Variants in ARHGAP25 observed in about 807,000 individuals in gnomAD.
The protein encoded by ARHGAP25 is rho GTPase-activating protein 25.
In ARHGAP25, 34 loss-of-function variants were observed where a neutral mutation model predicts 71.0. The ratio of observed to expected loss-of-function variants is 0.48; its 90% CI spans 0.36 to 0.64. The LOEUF (loss-of-function observed/expected upper bound fraction) is 0.64. Among genes scored for constraint, ARHGAP25 ranks in the 30% least tolerant of loss-of-function variants. The probability of loss-of-function intolerance (pLI) is 0.00; values close to 1 mark genes in which losing one functional copy is unlikely to be tolerated. For synonymous variants in ARHGAP25, 282 were observed against 296.5 expected, an observed-to-expected ratio of 0.95 and a Z score of 0.50; for missense variants, 706 against 805.1, an observed-to-expected ratio of 0.88 and a Z score of 1.49.
At chr2:68,820,849 G>A (rs114010960) in intron 9 of ARHGAP25, among the ~76,000 whole-genome samples, 1 of 150,190 alleles carries the variant, frequency 6.7e-6, no homozygotes, top group Non-Finnish European at 1.5e-5. Flanking sequence ...ACAAAATGTA[G>A]TATAATTCTC....
chr2:68,742,402 A>C (rs986619820), intron 1 of ARHGAP25, among the ~76,000 whole-genome samples: 1 of 152,250 alleles, frequency 6.6e-6, no homozygotes, highest in African/African-American at 2.4e-5. Flanking sequence ...ACAGTGGTTA[A>C]AAAGCTGGCT....
chr2:68,799,955 C>T (rs1158323096), intron 4 of ARHGAP25, among the ~76,000 whole-genome samples: 4 of 152,304 alleles, frequency 2.6e-5, no homozygotes, highest in East Asian at 1.9e-4. Flanking sequence ...CCCAGGATGC[C>T]GCGGTGGGAA....
At chr2:68,715,524 G>A (rs1674587739) in intron 2 of ARHGAP25, among the ~76,000 whole-genome samples, 1 of 152,112 alleles carries the variant, frequency 6.6e-6, no homozygotes, top group Non-Finnish European at 1.5e-5. Flanking sequence ...TCCGGGAGGC[G>A]GTCGTGCTCT....
In ARHGAP25 at chr2:68,807,273, C is replaced by A; in HGVS notation, c.467C>A (p.Ala156Glu). 6.2e-7 allele frequency: 1 copy of A among 1,614,168 alleles called. No individual in the cohort carries two copies. Among genetic ancestry groups the A allele is most frequent in the South Asian group, 1.1e-5 (1 of 91,080 alleles). Residue 156 changes from alanine (A) to glutamate (E), a missense_variant and splice_region_variant, in exon 5 of 11, where the codon GCA becomes GAA. Physicochemically the swap from Ala to Glu is moderately radical, Grantham distance 107. Transcript: ENST00000409202. ...CAGGTTCTGTTTGCTCTCTCCTCAG[C>A]AGTGTTTGGCCAGCGCTTGGATGAG... is the stretch of plus-strand genomic sequence containing the variant. ...LRRVAGTPCG[A>E]VFGQRLDETV...
intron 4 of ARHGAP25, 122 bp from the exon 5 acceptor site, chr2:68,807,151 C>G (rs1680432991): frequency 1.2e-6 from 1 of 856,688 alleles, no homozygotes; most frequent in Non-Finnish European, 1.9e-6. Context: ...ATTTATCTCC[C>G]ATATTTTGTC....
At chr2:68,729,550 A>T (rs939942435) in intron 2 of ARHGAP25, among the ~76,000 whole-genome samples, 1 of 152,240 alleles carries the variant, frequency 6.6e-6, no homozygotes, top group Non-Finnish European at 1.5e-5. Context: ...TAAACACATT[A>T]AAAAATAACT....
intron 2 of ARHGAP25, among the ~76,000 whole-genome samples, chr2:68,776,952 C>T (rs758739833): frequency 6.6e-6 from 1 of 152,130 alleles, no homozygotes; most frequent in Non-Finnish European, 1.5e-5. Context: ...ATCAGCAGGA[C>T]TTGGTTAACC....
chr2:68,750,826 AG>A (rs1364791370), intron 1 of ARHGAP25, among the ~76,000 whole-genome samples: 1 of 152,234 alleles, frequency 6.6e-6, no homozygotes, highest in Non-Finnish European at 1.5e-5. Context: ...CTGCTCACAC[AG>A]GGAATTAGTG....
chr2:68,787,166 C>T (rs1678818493), intron 3 of ARHGAP25, among the ~76,000 whole-genome samples: 1 of 152,216 alleles, frequency 6.6e-6, no homozygotes, highest in African/African-American at 2.4e-5. Flanking sequence ...CCTTCAATTT[C>T]TCCCACCTTT....
intron 1 of ARHGAP25, among the ~76,000 whole-genome samples, chr2:68,760,639 A>G (rs1231611935): frequency 6.6e-6 from 1 of 152,028 alleles, no homozygotes; most frequent in East Asian, 1.9e-4. Context: ...AGAAGGTGAA[A>G]TACTTGCACT....
chr2:68,712,162 C>T (rs142709843), intron 2 of ARHGAP25, among the ~76,000 whole-genome samples: 238 of 152,320 alleles, frequency 1.6e-3, no homozygotes, highest in African/African-American at 5.4e-3. Flanking sequence ...TTCTCCACAT[C>T]CTCTCTAGCA....
chr2:68,803,431 G>A (rs1433121299), intron 4 of ARHGAP25, among the ~76,000 whole-genome samples: 1 of 152,116 alleles, frequency 6.6e-6, no homozygotes, highest in East Asian at 1.9e-4. Context: ...GGGTTGAGAG[G>A]CTGAGTAGTG....
chr2:68,729,247 A>G lies in ARHGAP25; in HGVS notation c.-18+18549A>G, dbSNP rs568089649. On this transcript the variant is annotated intron_variant and NMD_transcript_variant, in intron 2 of 7. Transcript: ENST00000463483. Reference sequence around the variant, plus strand: ...CACTTTGATGGGTGAATTGCATGGTATGTGAATTATGTATCAATACAGCTC... The same window carrying G: ...CACTTTGATGGGTGAATTGCATGGTGTGTGAATTATGTATCAATACAGCTC... 1.8e-4 allele frequency among the ~76,000 whole-genome samples: 28 copies of G among 152,366 alleles called. No homozygotes were observed. The South Asian group carries it at 5.8e-3, about 32-fold the overall frequency.
In ARHGAP25 at chr2:68,775,431, G is replaced by C; in HGVS notation, c.261+11G>C. ...GACACGAAGCCCCAGGTACCAGCCA[G>C]GCTGTTTGTCCCGTTCATAAGGCAC... On this transcript the variant is annotated intron_variant, in intron 2 of 10. Coordinates refer to ENST00000409202, the MANE Select transcript of ARHGAP25 (RefSeq NM_001007231.3). 1 of 1,614,222 alleles carries C rather than the reference G, an allele frequency of 6.2e-7. No individual in the cohort carries two copies.
chr2:68,796,121 C>A (rs547127314), intron 4 of ARHGAP25, among the ~76,000 whole-genome samples: 1 of 152,252 alleles, frequency 6.6e-6, no homozygotes, highest in Non-Finnish European at 1.5e-5. Context: ...TCTGCTGTTG[C>A]AGCTTTTGAA....
intron 4 of ARHGAP25, among the ~76,000 whole-genome samples, chr2:68,798,716 A>C (rs1005570988): frequency 4.6e-5 from 7 of 152,218 alleles, no homozygotes; most frequent in African/African-American, 1.4e-4. Flanking sequence ...AGTGATGATT[A>C]AGCTTAACTC....
At chr2:68,750,719 C>T (rs1676116959) in intron 1 of ARHGAP25, among the ~76,000 whole-genome samples, 1 of 152,202 alleles carries the variant, frequency 6.6e-6, no homozygotes, top group Non-Finnish European at 1.5e-5. Flanking sequence ...TAAAGGCATT[C>T]CTTCTTCTCT....
In ARHGAP25 at chr2:68,826,178, C is replaced by A. The variant is rs1445513083; in HGVS notation, c.1925C>A (p.Pro642His). The A allele has an allele frequency of 1.9e-6, 3 of 1,614,044 alleles. No individual in the cohort carries two copies. The African/African-American group carries it at 4.0e-5, about 22-fold the overall frequency. Residue 642 changes from proline to histidine, a missense_variant, in exon 11 of 11, where the codon CCC becomes CAC. By Grantham distance (77) the Pro-to-His change is moderately conservative (BLOSUM62 -2). Coordinates refer to ENST00000409202, the MANE Select transcript of ARHGAP25 (RefSeq NM_001007231.3). The stretch of plus-strand genomic sequence containing the variant: ...GAATTTGTCAAATCCATGAAGGAAC[C>A]CAAGACCGAGGCTTAAGGGTCCCAG... ...VKEFVKSMKEPKTEA is the reference protein window; with the variant it reads ...VKEFVKSMKEHKTEA
chr2:68,759,353 A>G (rs1042454130), intron 1 of ARHGAP25, among the ~76,000 whole-genome samples: 5 of 151,800 alleles, frequency 3.3e-5, no homozygotes, highest in African/African-American at 1.2e-4. Flanking sequence ...GATAATGAAA[A>G]AAAAAAGAAG....
Sources: gnomAD v4.1 joint callset for allele counts (sites outside exome capture counted in the v4.1 genomes callset) on GRCh38, gnomAD v4.1.1 for gene constraint, MANE v1.5 for transcripts, NCBI Gene and HGNC (gene_info 2026-07-23, HGNC 2026-07-21) for gene names.